The following BAHD1 variants were observed in gnomAD, a reference collection of about 807,000 sequenced individuals.
BAHD1 encodes bromo adjacent homology domain containing 1, also known as bromo adjacent homology domain-containing 1 protein.
BAHD1 carries 20 observed loss-of-function variants against 63.1 expected under a neutral mutation model. The observed-to-expected ratio is 0.32, with a 90% confidence interval of 0.22 to 0.46. BAHD1 has a LOEUF of 0.46. Among genes scored for constraint, BAHD1 ranks in the 20% least tolerant of loss-of-function variants. BAHD1 has a pLI of 1.00. For synonymous variants in BAHD1, 408 were observed against 426.8 expected (o/e 0.96, Z 0.54); for missense variants, 939 against 1,071.8 (o/e 0.88, Z 1.73).
Position 40,459,269 on chromosome 15 carries a change from G to A in BAHD1, c.805G>A (p.Ala269Thr), listed in dbSNP as rs368611692. The change falls in exon 2 of 7, where the codon GCT becomes ACT. Residue 269 changes from alanine to threonine, a missense_variant. Ala to Thr is a moderately conservative substitution (Grantham distance 58). Transcript: ENST00000416165. Reference sequence around the variant, plus strand: ...TTGGCAGGGGGCCAGCTCTGGGGAGGCTGCAGGCCCACCTGGCTGGCAAGG... The same window carrying A: ...TTGGCAGGGGGCCAGCTCTGGGGAGACTGCAGGCCCACCTGGCTGGCAAGG... ...KAWQGASSGE[A>T]AGPPGWQGCP... 15 of 1,612,826 alleles carry A rather than the reference G, an allele frequency of 9.3e-6. No individual in the cohort carries two copies. The highest frequency in any genetic ancestry group is 4.0e-5 in the African/African-American group (3 of 75,066).
upstream of BAHD1, among the ~76,000 whole-genome samples, chr15:40,437,836 C>G (rs1893308101): frequency 6.6e-6 from 1 of 152,086 alleles, no homozygotes; most frequent in Non-Finnish European, 1.5e-5. Context: ...TGGAGATGAC[C>G]GAGCAGCCAG....
Position 40,465,424 on chromosome 15 carries a change from C to T in BAHD1, c.2142C>T (p.Ala714=), listed in dbSNP as rs540992135. ...AGAAGTGCTATGTGCTGACTTTTGC[C>T]GAGTACTGCAGGTAGGTGGTTCCCT... ...IEEKCYVLTF[A]EYCRFCAMAK... is the part of the protein sequence containing the mutation. The change falls in exon 6 of 7, where the codon GCC becomes GCT. Residue 714 remains alanine, a synonymous_variant. Transcript: ENST00000416165. 11 of 1,614,042 alleles carry T rather than the reference C, an allele frequency of 6.8e-6. No individual in the cohort carries two copies. The highest frequency in any genetic ancestry group is 4.5e-5 in the East Asian group (2 of 44,884).
rs150307966 is a variant in BAHD1 at position 40,459,168 on chromosome 15, G to A, written c.704G>A (p.Arg235His). Residue 235 changes from arginine to histidine, a missense_variant, in exon 2 of 7, where the codon CGC (arginine) becomes CAC (histidine). By Grantham distance (29) the Arg-to-His change is conservative. This residue lies in a region of BAHD1 where 797 missense variants were observed against 813.3 expected (regional missense o/e 0.98). Coordinates refer to ENST00000416165, the MANE Select transcript of BAHD1 (RefSeq NM_014952.5). ...LPRAHAEVDG[R>H]STEPPAPKAP... ...CGTGCCCATGCAGAAGTAGATGGGC[G>A]CTCCACTGAGCCCCCAGCACCCAAG... is the stretch of plus-strand genomic sequence containing the variant. 3.1e-6 allele frequency: 5 copies of A among 1,613,046 alleles called. No homozygotes were observed. Among genetic ancestry groups the A allele is most frequent in the East Asian group, 2.2e-5 (1 of 44,868 alleles).
chr15:40,453,523 A>G (rs1406280320), intron 1 of BAHD1: 1 of 152,220 alleles, frequency 6.6e-6, no homozygotes, highest in Non-Finnish European at 1.5e-5. Flanking sequence ...ACAATGCTTA[A>G]CTCAGCTCCA....
At chr15:40,450,139 G>A (rs11853333) in intron 1 of BAHD1, among the ~76,000 whole-genome samples, 39,907 of 152,136 alleles carry the variant, frequency 0.26, 6,760 homozygotes, top group Non-Finnish European at 0.37. Flanking sequence ...GTCCCCATAG[G>A]GCTGGCATCC....
upstream of BAHD1, among the ~76,000 whole-genome samples, chr15:40,438,036 T>C (rs1893314158): frequency 6.6e-6 from 1 of 152,166 alleles, no homozygotes; most frequent in Non-Finnish European, 1.5e-5. Flanking sequence ...GGAGACCCGA[T>C]GGACCCATTC....
At chr15:40,440,437 T>TG (rs1893365647), upstream of BAHD1, among the ~76,000 whole-genome samples, 1 of 151,886 alleles carries the variant, frequency 6.6e-6, no homozygotes, top group Admixed American at 6.5e-5. Flanking sequence ...CCTGAAGCTT[T>TG]GCCCTGGGGG....
intron 5 of BAHD1, chr15:40,465,126 T>C: frequency 1.7e-6 from 1 of 583,066 alleles, no homozygotes; most frequent in East Asian, 2.9e-5. Context: ...AGCAGATACC[T>C]GGCTATTCTG....
intron 6 of BAHD1, 132 bp from the exon 7 acceptor site, chr15:40,465,809 G>T: frequency 8.7e-6 from 8 of 920,272 alleles, no homozygotes; most frequent in Non-Finnish European, 1.3e-5. Context: ...CCTGGGATGG[G>T]TGGAGACAGT....
At chr15:40,443,204 G>A in intron 1 of BAHD1, 25 of 963,792 alleles carry the variant, frequency 2.6e-5, no homozygotes, top group Non-Finnish European at 3.0e-5. Context: ...ACCTGGGAAA[G>A]CTGCTTGTCT....
At chr15:40,452,107 A>G (rs1401115133) in intron 1 of BAHD1, among the ~76,000 whole-genome samples, 2 of 152,212 alleles carry the variant, frequency 1.3e-5, no homozygotes, top group African/African-American at 4.8e-5. Context: ...AGGGCAGTCT[A>G]AAAGCAAGCC....
Position 40,459,328 on chromosome 15 carries a change from T to C in BAHD1, c.864T>C (p.Pro288=), listed in dbSNP as rs960413688. Reference sequence around the variant, plus strand: ...ATGAACCATGGCCATCTGCAACTCCTTGTGGGCCATCCGTCCAGCCATCTC... The same window carrying C: ...ATGAACCATGGCCATCTGCAACTCCCTGTGGGCCATCCGTCCAGCCATCTC... ...CPDEPWPSAT[P]CGPSVQPSHQ... is the part of the protein sequence containing the mutation. Residue 288 remains proline (P), a synonymous_variant, in exon 2 of 7, where the codon CCT becomes CCC. Coordinates refer to ENST00000416165, the MANE Select transcript of BAHD1 (RefSeq NM_014952.5). 1 of 1,612,944 alleles carries C rather than the reference T, an allele frequency of 6.2e-7. No homozygotes were observed. Among genetic ancestry groups the C allele is most frequent in the African/African-American group, 1.3e-5 (1 of 74,940 alleles).
chr15:40,447,911 A>G (rs999484084), intron 1 of BAHD1, among the ~76,000 whole-genome samples: 8 of 152,174 alleles, frequency 5.3e-5, no homozygotes, highest in Non-Finnish European at 1.2e-4. Flanking sequence ...TCATTTATTT[A>G]TTTAGCCCAG....
chr15:40,452,482 C>G (rs1397961791), intron 1 of BAHD1, among the ~76,000 whole-genome samples: 1 of 152,226 alleles, frequency 6.6e-6, no homozygotes, highest in African/African-American at 2.4e-5. Flanking sequence ...GAGTATTTCT[C>G]AGAGACACAG....
intron 3 of BAHD1, among the ~76,000 whole-genome samples, chr15:40,462,555 C>CT (rs1363555251): frequency 1.3e-5 from 2 of 152,156 alleles, no homozygotes; most frequent in African/African-American, 2.4e-5. Flanking sequence ...CGGTGAGTGT[C>CT]TTCCCCTCCC....
chr15:40,465,203 G>A (rs1894166836), intron 5 of BAHD1, 132 bp from the exon 6 acceptor site: 1 of 741,768 alleles, frequency 1.3e-6, no homozygotes, highest in Non-Finnish European at 2.3e-6. Context: ...GCATACTTAG[G>A]CTGAATTTCC....
intron 1 of BAHD1, among the ~76,000 whole-genome samples, chr15:40,457,768 G>C (rs1367540440): frequency 1.3e-5 from 2 of 152,220 alleles, no homozygotes; most frequent in East Asian, 3.8e-4. Flanking sequence ...CCAGCACTGT[G>C]GGAGGCCGAG....
intron 3 of BAHD1, 67 bp downstream of exon 3, chr15:40,462,361 G>A: frequency 6.5e-7 from 1 of 1,535,548 alleles, no homozygotes; most frequent in South Asian, 1.2e-5. Flanking sequence ...CCTGCAGTGA[G>A]GTAGGTGCTA....
At chr15:40,462,884 G>A (rs906845393) in intron 3 of BAHD1, among the ~76,000 whole-genome samples, 2 of 152,256 alleles carry the variant, frequency 1.3e-5, no homozygotes, top group Admixed American at 6.5e-5. Flanking sequence ...TGAAGTGGGA[G>A]GATTGCTTAG....
Sources: gnomAD v4.1 joint callset for allele counts (sites outside exome capture counted in the v4.1 genomes callset) on GRCh38, gnomAD v4.1.1 for gene constraint, gnomAD v4.1.1 regional missense constraint, MANE v1.5 for transcripts, NCBI Gene and HGNC (gene_info 2026-07-23, HGNC 2026-07-21) for gene names.